Variants in SIPA1L2 observed in about 807,000 individuals in gnomAD.
SIPA1L2 encodes the protein signal induced proliferation associated 1 like 2.
SIPA1L2 carries 56 observed loss-of-function variants against 163.9 expected under a neutral mutation model. The observed-to-expected ratio is 0.34, with a 90% CI of 0.28 to 0.43. SIPA1L2 has a LOEUF of 0.43. Among genes scored for constraint, SIPA1L2 ranks in the 20% least tolerant of loss-of-function variants. The pLI, the probability that SIPA1L2 is intolerant of heterozygous loss-of-function variation, is 1.00. For missense variants in SIPA1L2, 1,974 were observed against 2,193.5 expected (o/e 0.90, Z 2.00); for synonymous variants, 877 against 865.7 (o/e 1.01, Z -0.23).
At chr1:232,564,568 T>C (rs1036405001) in intron 2 of SIPA1L2, among the ~76,000 whole-genome samples, 1 of 151,996 alleles carries the variant, frequency 6.6e-6, no homozygotes, top group African/African-American at 2.4e-5. Flanking sequence ...AATAGGCAGC[T>C]ACAAGAAACC....
intron 1 of SIPA1L2, among the ~76,000 whole-genome samples, chr1:232,582,684 G>A (rs140194656): frequency 2.9e-4 from 44 of 152,246 alleles, no homozygotes; most frequent in African/African-American, 1.0e-3. Flanking sequence ...TAATGGAATT[G>A]CTGGGTCGAA....
chr1:232,480,887 T>C (rs1665315741), intron 6 of SIPA1L2, among the ~76,000 whole-genome samples: 1 of 152,194 alleles, frequency 6.6e-6, no homozygotes, highest in South Asian at 2.1e-4. Context: ...TATTATATTC[T>C]TTCTGAACCC....
intron 12 of SIPA1L2, among the ~76,000 whole-genome samples, chr1:232,443,013 C>G (rs1313332365): frequency 1.3e-5 from 2 of 152,198 alleles, no homozygotes; most frequent in Non-Finnish European, 2.9e-5. Context: ...CTAACTCCAA[C>G]CCAAAGCAGC....
intron 2 of SIPA1L2, among the ~76,000 whole-genome samples, chr1:232,537,845 C>A (rs904851651): frequency 6.6e-6 from 1 of 152,208 alleles, no homozygotes; most frequent in African/African-American, 2.4e-5. Flanking sequence ...AAATGTGTTC[C>A]ACAGTTATTA....
chr1:232,608,061 A>C (rs1031318063), intron 1 of SIPA1L2, among the ~76,000 whole-genome samples: 4 of 150,632 alleles, frequency 2.7e-5, no homozygotes, highest in Non-Finnish European at 5.9e-5. Context: ...AAAAAAAAAA[A>C]AAAAAAAACG....
intron 3 of SIPA1L2, among the ~76,000 whole-genome samples, chr1:232,504,849 G>A (rs868078048): frequency 1.3e-5 from 2 of 152,172 alleles, no homozygotes; most frequent in African/African-American, 4.8e-5. Context: ...TAAGTGACTC[G>A]CTCAAAGTCA....
chr1:232,542,876 A>G (rs938549502), intron 2 of SIPA1L2, among the ~76,000 whole-genome samples: 1 of 152,206 alleles, frequency 6.6e-6, no homozygotes, highest in African/African-American at 2.4e-5. Flanking sequence ...GTGTGTCTGC[A>G]AATAGCCTAA....
intron 1 of SIPA1L2, among the ~76,000 whole-genome samples, chr1:232,626,047 A>C (rs1663059329): frequency 6.6e-6 from 1 of 151,818 alleles, no homozygotes; most frequent in African/African-American, 2.4e-5. Flanking sequence ...GATAGGAAGA[A>C]CTCTCCTTTA....
intron 1 of SIPA1L2, among the ~76,000 whole-genome samples, chr1:232,622,516 C>T (rs956282664): frequency 6.6e-6 from 1 of 152,206 alleles, no homozygotes; most frequent in African/African-American, 2.4e-5. Context: ...TTTAAGTCAA[C>T]TGCAGCCTCA....
At chr1:232,626,556 T>C (rs777713912) in intron 1 of SIPA1L2, among the ~76,000 whole-genome samples, 1 of 152,202 alleles carries the variant, frequency 6.6e-6, no homozygotes, top group South Asian at 2.1e-4. Context: ...AAATAATCTA[T>C]GTCTAAAGTT....
At chr1:232,583,176 C>T (rs1660474779) in intron 1 of SIPA1L2, among the ~76,000 whole-genome samples, 1 of 152,064 alleles carries the variant, frequency 6.6e-6, no homozygotes, top group Admixed American at 6.5e-5. Flanking sequence ...CCTCTTCCAC[C>T]CAATTTGTAA....
intron 3 of SIPA1L2, among the ~76,000 whole-genome samples, chr1:232,499,434 G>C (rs1666355289): frequency 6.6e-6 from 1 of 152,156 alleles, no homozygotes; most frequent in South Asian, 2.1e-4. Context: ...GACAAAAGCA[G>C]TTACAACACT....
chr1:232,628,210 G>GA (rs1663183836), intron 1 of SIPA1L2, among the ~76,000 whole-genome samples: 1 of 152,182 alleles, frequency 6.6e-6, no homozygotes, highest in African/African-American at 2.4e-5. Context: ...AAAAGGGCTT[G>GA]TGCTTAGAAA....
chr1:232,541,856 A>T (rs1470288856), intron 2 of SIPA1L2, among the ~76,000 whole-genome samples: 5 of 3,436 alleles, frequency 1.5e-3, no homozygotes, highest in African/African-American at 0.02. Context: ...TACAGATTTA[A>T]AAAAAAAAAA....
At chr1:232,476,845 C>T (rs1016411221) in intron 7 of SIPA1L2, among the ~76,000 whole-genome samples, 7 of 152,138 alleles carry the variant, frequency 4.6e-5, no homozygotes, top group African/African-American at 1.2e-4. Context: ...CTGATGTGGA[C>T]GAGTCTGGAC....
rs78508777 is a variant in SIPA1L2, at chr1:232,619,987, C to A, written c.-319+9882G>T. 0.03 allele frequency among the ~76,000 whole-genome samples: 4,511 copies of A among 152,230 alleles called. 373 individuals are homozygous for A. The East Asian group carries it at 0.35, about 12-fold the overall frequency. ...GCAACCTCCGCCTCCCGAGTTCAAG[C>A]GTTTCTCCCGCCTCAGCCTCCTGAG... On this transcript the variant is annotated intron_variant, in intron 1 of 22. Coordinates refer to ENST00000674635, the MANE Select transcript of SIPA1L2 (RefSeq NM_020808.5).
chr1:232,575,390 G>T (rs1288436438), intron 1 of SIPA1L2, among the ~76,000 whole-genome samples: 1 of 152,160 alleles, frequency 6.6e-6, no homozygotes, highest in Non-Finnish European at 1.5e-5. Context: ...GGAAGGCTAT[G>T]ACTCGTCTTA....
intron 7 of SIPA1L2, 74 bp from the exon 8 acceptor site, chr1:232,471,602 T>G: frequency 7.9e-7 from 1 of 1,266,110 alleles, no homozygotes; most frequent in Non-Finnish European, 1.1e-6. Flanking sequence ...TCACTCATCT[T>G]TCAATTTGAA....
chr1:232,478,865 A>G (rs1665175361), intron 7 of SIPA1L2, among the ~76,000 whole-genome samples: 1 of 152,248 alleles, frequency 6.6e-6, no homozygotes, highest in Non-Finnish European at 1.5e-5. Flanking sequence ...GATTCTAAAC[A>G]AGATGTGAAA....
Sources: allele counts gnomAD v4.1 joint callset (sites outside exome capture counted in the v4.1 genomes callset), GRCh38; gene constraint gnomAD v4.1.1; transcripts MANE v1.5; gene names NCBI Gene and HGNC (gene_info 2026-07-23, HGNC 2026-07-21).